NPAT: variants seen among roughly 807,000 people sequenced by gnomAD.
The protein encoded by NPAT is nuclear protein, coactivator of histone transcription, also known as protein NPAT.
A neutral mutation model predicts 130.7 loss-of-function variants in NPAT; 52 were observed. That is an observed-to-expected ratio of 0.40 (90% confidence interval 0.32 to 0.50). The LOEUF (loss-of-function observed/expected upper bound fraction) is 0.50. Among genes scored for constraint, NPAT ranks in the 20% least tolerant of loss-of-function variants. The pLI, the probability that NPAT is intolerant of heterozygous loss-of-function variation, is 0.68. For synonymous variants in NPAT, 580 were observed against 584.8 expected, an observed-to-expected ratio of 0.99 and a Z score of 0.12; for missense variants, 1,687 against 1,662.6, an observed-to-expected ratio of 1.01 and a Z score of -0.26.
At chr11:108,165,463 TATATATATA>T (rs1384431834) in intron 15 of NPAT, among the ~76,000 whole-genome samples, 5 of 103,442 alleles carry the variant, frequency 4.8e-5, no homozygotes, top group Non-Finnish European at 9.5e-5. Flanking sequence ...TATATATATA[TATATATATA>T]TTTTTTTTTT....
intron 15 of NPAT, among the ~76,000 whole-genome samples, chr11:108,163,059 G>GATTGATTT (rs2077867458): frequency 6.7e-6 from 1 of 148,946 alleles, no homozygotes; most frequent in Non-Finnish European, 1.5e-5. Context: ...TCCTTTAAGA[G>GATTGATTT]ATTTATTTAT....
Position 108,160,928 on chromosome 11 carries a change from A to T in NPAT, c.4158T>A (p.Ser1386Arg). ...GTATTGATGAATTTGTAAGATTTTT[A>T]CTAGAAGGACGAGAGTTTCGCTCAC... Reference protein sequence around the residue: ...DERERNSRPSSKNLTNSSIPM... With the variant: ...DERERNSRPSRKNLTNSSIPM... Residue 1386 changes from serine (S) to arginine (R), a missense_variant, in exon 17 of 18, where the codon AGT becomes AGA. Physicochemically the swap from Ser to Arg is moderately radical, Grantham distance 110 (BLOSUM62 -1). Around this residue, in one of 3 missense-constraint regions of NPAT, gnomAD observed 1,379 missense variants for 1,346.6 expected, o/e 1.02. Transcript: ENST00000278612. 1 of 1,614,118 alleles carries T rather than the reference A, an allele frequency of 6.2e-7. No individual in the cohort carries two copies. The highest frequency in any genetic ancestry group is 8.5e-7 in the Non-Finnish European group (1 of 1,179,996).
chr11:108,173,240 T>C lies in NPAT; in HGVS notation c.1744A>G (p.Ile582Val). Residue 582 changes from isoleucine to valine, a missense_variant, in exon 13 of 18, where the codon ATT becomes GTT. By Grantham distance (29) the Ile-to-Val change is conservative (BLOSUM62 3). Transcript: ENST00000278612. ...SSEVHKSKIE[I>V]NVLEPVMSQL... ...GACATAACTGGTTCTAACACATTAA[T>C]TTCTATTTTACTCTTGTGAACTTCA... is the stretch of plus-strand genomic sequence containing the variant. 6.2e-7 allele frequency: 1 copy of C among 1,613,058 alleles called. No individual in the cohort carries two copies. The highest frequency in any genetic ancestry group is 8.5e-7 in the Non-Finnish European group (1 of 1,179,424).
At chr11:108,193,721 G>A (rs971826330) in intron 3 of NPAT, among the ~76,000 whole-genome samples, 2 of 151,508 alleles carry the variant, frequency 1.3e-5, no homozygotes, top group Non-Finnish European at 2.9e-5. Flanking sequence ...TTGAAACTCC[G>A]TCTCAAAAAA....
rs1430336717 is a variant in NPAT at position 108,172,710 on chromosome 11, A to G, written c.2274T>C (p.Ser758=). 1.2e-6 allele frequency: 2 copies of G among 1,613,756 alleles called. No individual in the cohort carries two copies. The highest frequency in any genetic ancestry group is 2.2e-5 in the South Asian group (2 of 91,082). The change falls in exon 13 of 18, where the codon AGT becomes AGC. Residue 758 remains serine, a synonymous_variant. Coordinates refer to ENST00000278612, the MANE Select transcript of NPAT (RefSeq NM_002519.3). The part of the protein sequence containing the change: ...PFVSSDTELT[S]AVSSINGENL... ...TTTCTCCATTAATACTAGAAACAGCACTGGTAAGTTCAGTATCTGAGGAAA... is the reference window on the plus strand; with the variant it reads ...TTTCTCCATTAATACTAGAAACAGCGCTGGTAAGTTCAGTATCTGAGGAAA...
At chr11:108,219,728 AAACAAAC>A (rs2078466302) in intron 1 of NPAT, among the ~76,000 whole-genome samples, 1 of 117,580 alleles carries the variant, frequency 8.5e-6, no homozygotes, top group Non-Finnish European at 1.9e-5. Context: ...TGTACATTAA[AAACAAAC>A]AACAACAACA....
intron 1 of NPAT, among the ~76,000 whole-genome samples, chr11:108,201,087 C>G (rs1591410898): frequency 6.6e-6 from 1 of 152,258 alleles, no homozygotes; most frequent in East Asian, 1.9e-4. Context: ...GAGGAAGTCT[C>G]AGGAGGACAG....
chr11:108,217,551 A>C (rs1237613558), intron 1 of NPAT, among the ~76,000 whole-genome samples: 1 of 152,108 alleles, frequency 6.6e-6, no homozygotes, highest in Non-Finnish European at 1.5e-5. Context: ...AGGCCTTACT[A>C]TATATATATG....
intron 10 of NPAT, among the ~76,000 whole-genome samples, chr11:108,177,359 T>C (rs2078018987): frequency 6.6e-6 from 1 of 152,002 alleles, no homozygotes; most frequent in African/African-American, 2.4e-5. Flanking sequence ...ATGGGGTTGC[T>C]ACCTTGCCCA....
intron 1 of NPAT, among the ~76,000 whole-genome samples, chr11:108,200,854 G>A (rs1337879938): frequency 6.6e-6 from 1 of 152,068 alleles, no homozygotes; most frequent in Admixed American, 6.6e-5. Context: ...GAACTAAATG[G>A]TTCACAGTCC....
intron 4 of NPAT, among the ~76,000 whole-genome samples, chr11:108,191,749 C>A (rs756844020): frequency 5.1e-4 from 78 of 152,082 alleles, no homozygotes; most frequent in Non-Finnish European, 1.1e-3. Flanking sequence ...AGTTAAGAAA[C>A]CAAGTGGGCA....
chr11:108,164,292 A>AT (rs1337352335), intron 15 of NPAT, among the ~76,000 whole-genome samples: 4 of 152,064 alleles, frequency 2.6e-5, no homozygotes, highest in African/African-American at 4.8e-5. Flanking sequence ...TGAGAAATAC[A>AT]TTTTTTTTAA....
intron 1 of NPAT, among the ~76,000 whole-genome samples, chr11:108,200,377 G>A (rs970187309): frequency 6.6e-6 from 1 of 152,128 alleles, no homozygotes; most frequent in Non-Finnish European, 1.5e-5. Context: ...GTTTACCCAT[G>A]CCTTTTAAAT....
rs373970446 is a variant in NPAT at position 108,172,948 on chromosome 11, T to C, written c.2036A>G (p.Asn679Ser). Residue 679 changes from asparagine (N) to serine (S), a missense_variant, in exon 13 of 18, where the codon AAT becomes AGT. Asn to Ser is a conservative substitution (Grantham distance 46). Around this residue, in one of 3 missense-constraint regions of NPAT, gnomAD observed 1,379 missense variants for 1,346.6 expected, o/e 1.02. Coordinates refer to ENST00000278612, the MANE Select transcript of NPAT (RefSeq NM_002519.3). The stretch of plus-strand genomic sequence containing the variant: ...CAGTGCAACTTTCTCACAGTTAGCA[T>C]TTCCACCTAAAGAGAGAAAAATAGT... ...ENTIFLSLGG[N>S]ANCEKVALTP... 3 of 1,614,164 alleles carry C rather than the reference T, an allele frequency of 1.9e-6. No individual in the cohort carries two copies. The highest frequency in any genetic ancestry group is 2.5e-6 in the Non-Finnish European group (3 of 1,180,030).
At position 108,161,231 on chromosome 11, in the gene NPAT, A is replaced by G. The variant is rs2077844643; in HGVS notation, c.3855T>C (p.Asp1285=). Residue 1285 remains aspartate (D), a synonymous_variant, in exon 17 of 18, where the codon GAT becomes GAC. Transcript: ENST00000278612. ...AGEKHKEEPI[D]IIKAPSSRRF... ...GCCTACTAGAGGGGGCCTTGATAAT[A>G]TCTATAGGTTCTTCTTTATGTTTTT... 2.1e-5 allele frequency: 34 copies of G among 1,614,104 alleles called. No individual in the cohort carries two copies. The highest frequency in any genetic ancestry group is 2.7e-5 in the Non-Finnish European group (32 of 1,180,024).
At chr11:108,184,617 G>C (rs966947883) in intron 10 of NPAT, among the ~76,000 whole-genome samples, 3 of 151,882 alleles carry the variant, frequency 2.0e-5, no homozygotes, top group African/African-American at 7.3e-5. Context: ...TGCAACCTCC[G>C]CCCTCCCAGA....
At position 108,189,293 on chromosome 11, in the gene NPAT, C is replaced by G. The variant is rs2078140156; in HGVS notation, c.369G>C (p.Gln123His). The G allele has an allele frequency of 6.2e-7, 1 of 1,614,048 alleles. No individual in the cohort carries two copies. The highest frequency in any genetic ancestry group is 1.7e-5 in the Admixed American group (1 of 59,996). Residue 123 changes from glutamine (Q) to histidine (H), a missense_variant, in exon 6 of 18, where the codon CAG becomes CAC. Gln to His is a conservative substitution (Grantham distance 24). Coordinates refer to ENST00000278612, the MANE Select transcript of NPAT (RefSeq NM_002519.3). The stretch of plus-strand genomic sequence containing the variant: ...GAGCTGTTTGAGATGCAAGCTTTCT[C>G]TGCCGTTTGATTTCTGCAATTCCAG... Reference protein sequence around the residue: ...TRTGIAEIKRQRKLASQTAPA... With the variant: ...TRTGIAEIKRHRKLASQTAPA...
chr11:108,161,974 T>C lies in NPAT; in HGVS notation c.3112A>G (p.Lys1038Glu), dbSNP rs780406202. 3 of 1,603,780 alleles carry C rather than the reference T, an allele frequency of 1.9e-6. No individual in the cohort carries two copies. Among genetic ancestry groups the C allele is most frequent in the Non-Finnish European group, 1.7e-6 (2 of 1,175,890 alleles). Reference sequence around the variant, plus strand: ...GGAACTGTGGTTTCTTCTGATTTTTTCCCAAGATCTGTGGCAATACTTTTG... The same window carrying C: ...GGAACTGTGGTTTCTTCTGATTTTTCCCCAAGATCTGTGGCAATACTTTTG... ...SDKSIATDLGKKSEETTVPFP... is the reference protein window; with the variant it reads ...SDKSIATDLGEKSEETTVPFP... The change falls in exon 17 of 18, where the codon AAA (lysine) becomes GAA (glutamate). Residue 1038 changes from lysine (K) to glutamate (E), a missense_variant. Physicochemically the swap from Lys to Glu is moderately conservative, Grantham distance 56. Transcript: ENST00000278612.
chr11:108,219,272 T>G lies in NPAT; in HGVS notation c.37+3228A>C, dbSNP rs79628483. On this transcript the variant is annotated intron_variant, in intron 1 of 17. Coordinates refer to ENST00000278612, the MANE Select transcript of NPAT (RefSeq NM_002519.3). ...CTCCTCTAAGACTACCACTCCCTCA[T>G]CAGACAAGTCTTCCACGTTCCGCAG... is the stretch of plus-strand genomic sequence containing the variant. Among the ~76,000 whole-genome samples the G allele has an allele frequency of 3.6e-3, 543 of 152,296 alleles. 1 individual carries two copies. Among genetic ancestry groups the G allele is most frequent in the African/African-American group, 0.012 (516 of 41,564 alleles).
Sources: allele counts gnomAD v4.1 joint callset (sites outside exome capture counted in the v4.1 genomes callset), GRCh38; gene constraint gnomAD v4.1.1; regional missense constraint gnomAD v4.1.1; transcripts MANE v1.5; gene names NCBI Gene and HGNC (gene_info 2026-07-23, HGNC 2026-07-21).